The following POLR3G variants were observed in gnomAD, a reference collection of about 807,000 sequenced individuals.
POLR3G encodes the protein RNA polymerase III subunit G, also known as DNA-directed RNA polymerase III subunit RPC7.
POLR3G carries 28 observed loss-of-function variants against 30.1 expected under a neutral mutation model. That is an observed-to-expected ratio of 0.93 (90% CI 0.69 to 1.27). POLR3G has a LOEUF of 1.27. Among genes scored for constraint, POLR3G ranks in the 50% most tolerant of loss-of-function variants. The probability of loss-of-function intolerance (pLI) is 0.00; values close to 1 mark genes in which losing one functional copy is unlikely to be tolerated. For synonymous variants in POLR3G, 79 were observed against 82.5 expected, an observed-to-expected ratio of 0.96 and a Z score of 0.23; for missense variants, 254 against 264.6, an observed-to-expected ratio of 0.96 and a Z score of 0.28.
chr5:90,495,383 G>A (rs145785710), intron 3 of POLR3G, among the ~76,000 whole-genome samples: 7 of 152,210 alleles, frequency 4.6e-5, no homozygotes, highest in African/African-American at 9.6e-5. Flanking sequence ...ATCAAGAGCC[G>A]CAGTTATGGC....
chr5:90,485,819 A>G, intron 2 of POLR3G, 135 bp downstream of exon 2: 2 of 583,892 alleles, frequency 3.4e-6, no homozygotes, highest in Non-Finnish European at 5.9e-6. Context: ...TGTTTCACTT[A>G]CCTTTAAATA....
rs572937855 is a variant in POLR3G, at chr5:90,510,263, G to A, written c.586-1790G>A. The stretch of plus-strand genomic sequence containing the variant: ...CGTGGTGGCAGGCGCCTGTAGTCCC[G>A]GCTACTCGGGAGGCTGAGGCAGGAG... On this transcript the variant is annotated intron_variant, in intron 7 of 7. Transcript: ENST00000651687. 5.3e-4 allele frequency among the ~76,000 whole-genome samples: 80 copies of A among 151,910 alleles called. 1 individual carries two copies. In the South Asian group the frequency reaches 0.012, roughly 23 times the overall value.
chr5:90,474,333 G>A (rs762012309), upstream of POLR3G: 3 of 1,568,386 alleles, frequency 1.9e-6, no homozygotes, highest in Non-Finnish European at 2.6e-6. Context: ...GTGTGGGCGT[G>A]CGAGTCTCCC....
chr5:90,510,423 T>C (rs1453162613), intron 7 of POLR3G, among the ~76,000 whole-genome samples: 1 of 152,100 alleles, frequency 6.6e-6, no homozygotes, highest in Non-Finnish European at 1.5e-5. Context: ...ATTACCAAAT[T>C]TGAATCACTT....
At chr5:90,482,713 C>T (rs1431335874) in intron 1 of POLR3G, among the ~76,000 whole-genome samples, 1 of 152,200 alleles carries the variant, frequency 6.6e-6, no homozygotes, top group African/African-American at 2.4e-5. Flanking sequence ...ACTGACTCTT[C>T]TGATCTTGTG....
rs1228770959 is a variant in POLR3G, at chr5:90,481,170, C to T, written c.-43-4355C>T. Among the ~76,000 whole-genome samples the T allele has an allele frequency of 4.6e-5, 7 of 152,134 alleles. No individual in the cohort carries two copies. The East Asian group carries it at 1.4e-3, about 29-fold the overall frequency. ...TCTAGATTGTGATCATCAGTGACTG[C>T]TAAAATCATTAGGTGAAAACTGATG... is the stretch of plus-strand genomic sequence containing the variant. On this transcript the variant is annotated intron_variant, in intron 1 of 7. Transcript: ENST00000651687.
intron 1 of POLR3G, among the ~76,000 whole-genome samples, chr5:90,484,849 C>T (rs993105369): frequency 5.3e-5 from 8 of 152,166 alleles, no homozygotes; most frequent in Admixed American, 1.3e-4. Context: ...AGAACTCTAG[C>T]GTAGGGATCC....
chr5:90,487,982 G>A lies in POLR3G; in HGVS notation c.118-18G>A. The stretch of plus-strand genomic sequence containing the variant: ...CATAATTGATTTGAAAAAAATCTTT[G>A]TCTCTTAATTTAAACAGGATACAGA... On this transcript the variant is annotated intron_variant, in intron 2 of 7. Coordinates refer to ENST00000651687, the MANE Select transcript of POLR3G (RefSeq NM_006467.3). 6.6e-7 allele frequency: 1 copy of A among 1,513,684 alleles called. No homozygotes were observed. Among genetic ancestry groups the A allele is most frequent in the Non-Finnish European group, 8.8e-7 (1 of 1,135,446 alleles). 93.8% of individuals were successfully genotyped at this position (1,513,684 alleles called of 1,614,324 possible). A position where few individuals can be genotyped will look rare whatever the true frequency, so the allele number is the denominator to read the frequency against.
At chr5:90,502,438 T>A in intron 6 of POLR3G, 1 of 796,744 alleles carries the variant, frequency 1.3e-6, no homozygotes, top group African/African-American at 1.9e-5. Context: ...ATAGAACTTA[T>A]TTTTATAGCT....
At chr5:90,487,865 T>C (rs2151904389) in intron 2 of POLR3G, 135 bp from the exon 3 acceptor site, 1 of 630,090 alleles carries the variant, frequency 1.6e-6, no homozygotes, top group East Asian at 3.4e-5. Context: ...AGTTCATCTT[T>C]TAAGTTGGTT....
chr5:90,483,544 C>T (rs946668168), intron 1 of POLR3G, among the ~76,000 whole-genome samples: 3 of 152,100 alleles, frequency 2.0e-5, no homozygotes, highest in Non-Finnish European at 4.4e-5. Flanking sequence ...GTGGCTCATG[C>T]CTATAATCCT....
chr5:90,483,947 A>G (rs1360016286), intron 1 of POLR3G, among the ~76,000 whole-genome samples: 1 of 152,190 alleles, frequency 6.6e-6, no homozygotes, highest in Non-Finnish European at 1.5e-5. Flanking sequence ...TTAAACCTCA[A>G]AGATGAGATC....
upstream of POLR3G, chr5:90,473,946 G>A (rs749387278): frequency 6.2e-7 from 1 of 1,603,660 alleles, no homozygotes; most frequent in Non-Finnish European, 8.5e-7. Context: ...CCAGGTCACG[G>A]TCTCAAAGTT....
At chr5:90,502,403 GA>G in intron 6 of POLR3G, 1 of 882,334 alleles carries the variant, frequency 1.1e-6, no homozygotes, top group Non-Finnish European at 1.4e-6. Flanking sequence ...AAGTATTGAA[GA>G]CTCTTGAGGG....
upstream of POLR3G, chr5:90,474,482 T>C (rs1269201519): frequency 1.7e-6 from 1 of 594,142 alleles, no homozygotes; most frequent in South Asian, 2.1e-5. Context: ...ACGCTGCCCG[T>C]AGCGTGCGCT....
rs1561262444 is a variant in POLR3G at position 90,513,642 on chromosome 5, C to A, written c.*1503C>A. The A allele has an allele frequency of 6.6e-6, 1 of 152,114 alleles. No homozygotes were observed. The highest frequency in any genetic ancestry group is 1.5e-5 in the Non-Finnish European group (1 of 68,008). The allele number at this position is 152,114 out of a possible 1,614,324, so 9.4% of individuals were successfully genotyped here. A position where few individuals can be genotyped will look rare whatever the true frequency, so the allele number is the denominator to read the frequency against. ...TTGTGCCATTCTGCAATATGAATTT[C>A]TCAGGAAAAAGATGTTTCAATGGCA... On this transcript the variant is annotated 3_prime_UTR_variant, in exon 8 of 8. Transcript: ENST00000651687.
At chr5:90,485,286 G>A (rs897823071) in intron 1 of POLR3G, among the ~76,000 whole-genome samples, 4 of 152,154 alleles carry the variant, frequency 2.6e-5, no homozygotes, top group African/African-American at 9.7e-5. Flanking sequence ...TGAATTGCGT[G>A]GACTGGATGT....
At chr5:90,489,144 C>G (rs1333993033) in intron 3 of POLR3G, among the ~76,000 whole-genome samples, 1 of 151,984 alleles carries the variant, frequency 6.6e-6, no homozygotes, top group East Asian at 1.9e-4. Context: ...ATGATCTTAG[C>G]ATGTGCTTAT....
intron 1 of POLR3G, among the ~76,000 whole-genome samples, chr5:90,480,251 C>G (rs1421716933): frequency 6.6e-6 from 1 of 152,188 alleles, no homozygotes; most frequent in Non-Finnish European, 1.5e-5. Flanking sequence ...ACCACAGTCT[C>G]ACTTGTAGGC....
Sources: gnomAD v4.1 joint callset for allele counts (sites outside exome capture counted in the v4.1 genomes callset) on GRCh38, gnomAD v4.1.1 for gene constraint, MANE v1.5 for transcripts, NCBI Gene and HGNC (gene_info 2026-07-23, HGNC 2026-07-21) for gene names.